HGF: variants seen among roughly 807,000 people sequenced by gnomAD.
HGF encodes hepatocyte growth factor.
In HGF, 39 loss-of-function variants were observed where a neutral mutation model predicts 111.6. That is an observed-to-expected ratio of 0.35 (90% CI 0.27 to 0.46). The LOEUF (loss-of-function observed/expected upper bound fraction) is 0.46. HGF is among the 20% of genes least tolerant of loss of function. HGF has a pLI of 1.00. For missense variants in HGF, 735 were observed against 910.5 expected (o/e 0.81, Z 2.48); for synonymous variants, 285 against 294.8 (o/e 0.97, Z 0.34).
intron 10 of HGF, 33 bp downstream of exon 10, chr7:81,720,712 A>C (rs776656777): frequency 1.1e-5 from 13 of 1,186,482 alleles, no homozygotes. Flanking sequence ...GTATCACTAC[A>C]TTCTATATAT....
At chr7:81,750,887 C>T (rs932801357) in intron 5 of HGF, 7 of 804,992 alleles carry the variant, frequency 8.7e-6, no homozygotes, top group Non-Finnish European at 1.1e-5. Flanking sequence ...ACAAAACAGA[C>T]TTGTTCAAAA....
chr7:81,751,842 T>C, intron 5 of HGF: 1 of 1,262,742 alleles, frequency 7.9e-7, no homozygotes, highest in Middle Eastern at 3.2e-4. Context: ...CTCAAGACAG[T>C]AGGTAAGTAA....
At chr7:81,715,982 A>G (rs1020152771) in intron 11 of HGF, among the ~76,000 whole-genome samples, 3 of 152,216 alleles carry the variant, frequency 2.0e-5, no homozygotes, top group African/African-American at 7.2e-5. Flanking sequence ...TTGTAAACAT[A>G]GAGTTACAGA....
rs3081099 is a variant in HGF, at chr7:81,708,524, CTTTTTTTTTTTTT to C, written c.1542-1173_1542-1161del. On this transcript the variant is annotated intron_variant, in intron 13 of 17. Transcript: ENST00000222390. ...TTGAAAGATTTCTCCTTCCTTCCTT[CTTTTTTTTTTTTT>C]TTTTTTTTTTTTTTTGAGACAGAGT... Among the ~76,000 whole-genome samples the C allele has an allele frequency of 8.3e-5, 6 of 72,488 alleles. No homozygotes were observed. In the East Asian group the frequency reaches 1.8e-3, roughly 21 times the overall value. The allele number at this position is 72,488 out of a possible 152,430, so 47.6% of individuals were successfully genotyped here.
At chr7:81,767,016 T>A (rs1789389751) in intron 1 of HGF, among the ~76,000 whole-genome samples, 1 of 152,108 alleles carries the variant, frequency 6.6e-6, no homozygotes, top group African/African-American at 2.4e-5. Context: ...GTGGGGTCCT[T>A]CCTGGGACAT....
At chr7:81,756,287 A>G (rs894545600) in intron 4 of HGF, 3 of 506,770 alleles carry the variant, frequency 5.9e-6, no homozygotes, top group Non-Finnish European at 7.0e-6. Context: ...TGTGGTTCTC[A>G]TTACAAGTAA....
At chr7:81,760,891 A>G (rs1348768564) in intron 2 of HGF, among the ~76,000 whole-genome samples, 1 of 152,186 alleles carries the variant, frequency 6.6e-6, no homozygotes, top group Non-Finnish European at 1.5e-5. Context: ...GTGAGCACTT[A>G]CTAATTTATT....
chr7:81,726,642 T>C (rs1790020042), intron 8 of HGF, among the ~76,000 whole-genome samples: 1 of 152,214 alleles, frequency 6.6e-6, no homozygotes, highest in East Asian at 1.9e-4. Context: ...TTCTGTAAAA[T>C]TAAGGCCCAG....
intron 1 of HGF, chr7:81,763,079 C>A: frequency 1.8e-6 from 1 of 548,720 alleles, no homozygotes; most frequent in Non-Finnish European, 3.2e-6. Flanking sequence ...AATAACTTGT[C>A]ATGTAGAGTC....
intron 6 of HGF, among the ~76,000 whole-genome samples, chr7:81,744,580 C>T (rs1788152234): frequency 6.6e-6 from 1 of 152,156 alleles, no homozygotes; most frequent in Non-Finnish European, 1.5e-5. Context: ...AACAATACCT[C>T]TAATCACAGC....
chr7:81,755,382 T>A (rs1788711028), intron 4 of HGF: 1 of 152,088 alleles, frequency 6.6e-6, no homozygotes, highest in East Asian at 1.9e-4. Context: ...ATGAAAATTA[T>A]GTGTTTCCCT....
intron 2 of HGF, among the ~76,000 whole-genome samples, chr7:81,760,684 T>TGC (rs1562908907): frequency 6.8e-4 from 9 of 13,286 alleles, no homozygotes; most frequent in African/African-American, 1.6e-3. Context: ...TGCGTGCGTG[T>TGC]GTGTGTGTGT....
chr7:81,752,482 A>T (rs2116127554), intron 4 of HGF, among the ~76,000 whole-genome samples: 1 of 152,144 alleles, frequency 6.6e-6, no homozygotes, highest in South Asian at 2.1e-4. Flanking sequence ...TTCACCATCA[A>T]GTTAGAAAGA....
intron 10 of HGF, among the ~76,000 whole-genome samples, chr7:81,718,790 T>C (rs1789780323): frequency 3.3e-5 from 5 of 152,140 alleles, no homozygotes; most frequent in Admixed American, 3.3e-4. Flanking sequence ...AATTTCAACC[T>C]TCTAGTGTAA....
intron 14 of HGF, among the ~76,000 whole-genome samples, chr7:81,706,902 C>T (rs1045526481): frequency 6.6e-6 from 1 of 151,406 alleles, no homozygotes; most frequent in African/African-American, 2.4e-5. Flanking sequence ...AAATTATGCC[C>T]AGGATGATCC....
At chr7:81,747,209 G>A (rs1161542286) in intron 5 of HGF, among the ~76,000 whole-genome samples, 1 of 152,112 alleles carries the variant, frequency 6.6e-6, no homozygotes, top group Non-Finnish European at 1.5e-5. Flanking sequence ...TGTGGTGGTG[G>A]GCACCTGTAG....
In HGF at chr7:81,717,378, C is replaced by T. The variant is rs1485924387; in HGVS notation, c.1272-13G>A. On this transcript the variant is annotated splice_polypyrimidine_tract_variant and intron_variant, in intron 10 of 17. Coordinates refer to ENST00000222390, the MANE Select transcript of HGF (RefSeq NM_000601.6). ...CCAGAAGATATGACTGTGGAAACAA[C>T]AGGCCTTGCACATCACAAGATGCTC... The T allele has an allele frequency of 3.1e-6, 5 of 1,611,684 alleles. No individual in the cohort carries two copies. Among genetic ancestry groups the T allele is most frequent in the Non-Finnish European group, 4.2e-6 (5 of 1,178,034 alleles).
At chr7:81,709,452 C>T (rs759048820) in intron 13 of HGF, among the ~76,000 whole-genome samples, 36 of 152,062 alleles carry the variant, frequency 2.4e-4, no homozygotes, top group Non-Finnish European at 4.7e-4. Flanking sequence ...GTTGTAAGAT[C>T]AGATTTTAAG....
chr7:81,703,966 C>A (rs1310633251), intron 17 of HGF, among the ~76,000 whole-genome samples: 2 of 151,698 alleles, frequency 1.3e-5, no homozygotes, highest in Non-Finnish European at 3.0e-5. Flanking sequence ...CTGAGACAAA[C>A]TCCTCAAAGT....
Sources: allele counts gnomAD v4.1 joint callset (sites outside exome capture counted in the v4.1 genomes callset), GRCh38; gene constraint gnomAD v4.1.1; transcripts MANE v1.5; gene names NCBI Gene and HGNC (gene_info 2026-07-23, HGNC 2026-07-21).